SOX6: variants seen among roughly 807,000 people sequenced by gnomAD.
SOX6 encodes the protein transcription factor SOX-6.
SOX6 carries 11 observed loss-of-function variants against 97.8 expected under a neutral mutation model. That is an observed-to-expected ratio of 0.11 (90% CI 0.07 to 0.19). SOX6 has a LOEUF of 0.19. Among genes scored for constraint, SOX6 ranks in the 10% least tolerant of loss-of-function variants. SOX6 has a pLI of 1.00. For missense variants in SOX6, 810 were observed against 1,039.5 expected, an observed-to-expected ratio of 0.78 and a Z score of 3.04; for synonymous variants, 360 against 371.4, an observed-to-expected ratio of 0.97 and a Z score of 0.35.
intron 4 of SOX6, among the ~76,000 whole-genome samples, chr11:16,506,199 C>G (rs960201423): frequency 1.3e-5 from 2 of 152,200 alleles, no homozygotes; most frequent in Non-Finnish European, 2.9e-5. Flanking sequence ...GGGCTATATC[C>G]TGCACCACAG....
At chr11:16,290,209 A>G (rs1417952485) in intron 3 of SOX6, among the ~76,000 whole-genome samples, 32 of 151,970 alleles carry the variant, frequency 2.1e-4, no homozygotes, top group Admixed American at 2.1e-3. Context: ...GCACAATAAG[A>G]GCACTAAAAA....
At chr11:16,108,775 T>C (rs1245802223) in intron 7 of SOX6, among the ~76,000 whole-genome samples, 2 of 152,198 alleles carry the variant, frequency 1.3e-5, no homozygotes, top group African/African-American at 4.8e-5. Context: ...AGAGCTTGCC[T>C]AGTGTTTACT....
intron 2 of SOX6, among the ~76,000 whole-genome samples, chr11:16,719,639 C>T (rs1824073636): frequency 6.6e-6 from 1 of 152,154 alleles, no homozygotes; most frequent in South Asian, 2.1e-4. Context: ...AAACTTCACA[C>T]CAGGCCAGGT....
intron 3 of SOX6, among the ~76,000 whole-genome samples, chr11:16,707,967 T>C (rs1461732891): frequency 6.6e-6 from 1 of 152,128 alleles, no homozygotes; most frequent in Non-Finnish European, 1.5e-5. Context: ...TCTCTGTCTA[T>C]AATATTCAGA....
At chr11:16,696,452 T>C (rs1848054544) in intron 3 of SOX6, among the ~76,000 whole-genome samples, 1 of 152,182 alleles carries the variant, frequency 6.6e-6, no homozygotes, top group African/African-American at 2.4e-5. Flanking sequence ...GAACATCAAT[T>C]ATAGGCATAC....
chr11:16,562,743 A>G (rs1169142670), intron 4 of SOX6, among the ~76,000 whole-genome samples: 1 of 152,146 alleles, frequency 6.6e-6, no homozygotes, highest in Admixed American at 6.5e-5. Context: ...AATGGTATCA[A>G]GGAATGCCTA....
intron 4 of SOX6, among the ~76,000 whole-genome samples, chr11:16,493,592 T>A (rs1019422934): frequency 6.6e-6 from 1 of 152,242 alleles, no homozygotes; most frequent in African/African-American, 2.4e-5. Flanking sequence ...CATTTTATGA[T>A]ACAACTTCTT....
At chr11:16,327,992 C>T (rs747595665) in intron 2 of SOX6, among the ~76,000 whole-genome samples, 4 of 152,134 alleles carry the variant, frequency 2.6e-5, no homozygotes, top group Admixed American at 6.5e-5. Context: ...ATTCTTATAG[C>T]ACCATATGTT....
At chr11:16,719,741 T>C (rs1848245673) in intron 2 of SOX6, among the ~76,000 whole-genome samples, 2 of 152,060 alleles carry the variant, frequency 1.3e-5, no homozygotes, top group African/African-American at 4.8e-5. Context: ...CTGGGCAACA[T>C]AGTGAGACCT....
At chr11:16,556,292 T>G (rs1333090790) in intron 4 of SOX6, among the ~76,000 whole-genome samples, 5 of 151,658 alleles carry the variant, frequency 3.3e-5, no homozygotes. Flanking sequence ...CTCAGTAAAA[T>G]CTGAATAAAA....
intron 1 of SOX6, among the ~76,000 whole-genome samples, chr11:16,396,325 A>G (rs1858353359): frequency 6.6e-6 from 1 of 151,730 alleles, no homozygotes; most frequent in Non-Finnish European, 1.5e-5. Flanking sequence ...CATTAGAACT[A>G]ACAAAAGCTG....
At chr11:16,691,785 A>C (rs1337681162) in intron 3 of SOX6, among the ~76,000 whole-genome samples, 3 of 152,210 alleles carry the variant, frequency 2.0e-5, no homozygotes, top group Admixed American at 6.5e-5. Context: ...CAACAAGAAT[A>C]AAACCCTGAC....
chr11:16,034,218 G>A (rs1855458215), intron 12 of SOX6, among the ~76,000 whole-genome samples: 1 of 152,134 alleles, frequency 6.6e-6, no homozygotes, highest in African/African-American at 2.4e-5. Context: ...CTCCTTTGTT[G>A]AGAACTACAG....
intron 3 of SOX6, among the ~76,000 whole-genome samples, chr11:16,297,719 C>G (rs560543338): frequency 2.6e-5 from 4 of 152,266 alleles, no homozygotes; most frequent in African/African-American, 9.6e-5. Flanking sequence ...TTAAATATAT[C>G]ACTTTTTCAA....
intron 1 of SOX6, among the ~76,000 whole-genome samples, chr11:16,736,989 A>G (rs1461573703): frequency 2.0e-5 from 3 of 152,172 alleles, no homozygotes; most frequent in Non-Finnish European, 4.4e-5. Context: ...CTGCTTCCAA[A>G]ATAAGGGAGA....
At chr11:16,594,366 T>C (rs187795409) in intron 4 of SOX6, among the ~76,000 whole-genome samples, 12 of 152,328 alleles carry the variant, frequency 7.9e-5, no homozygotes, top group Admixed American at 7.8e-4. Flanking sequence ...CTGGATTTAC[T>C]GTTATCTGTA....
At chr11:16,151,300 G>A (rs976466655) in intron 6 of SOX6, among the ~76,000 whole-genome samples, 2 of 152,106 alleles carry the variant, frequency 1.3e-5, no homozygotes, top group African/African-American at 2.4e-5. Flanking sequence ...ACAATAGTGC[G>A]TAACGAAAGT....
chr11:16,475,436 T>C (rs1193058282), intron 1 of SOX6, among the ~76,000 whole-genome samples: 11 of 152,146 alleles, frequency 7.2e-5, no homozygotes, highest in African/African-American at 2.7e-4. Context: ...TTAGAAGTCA[T>C]TGTAGGGTTA....
In SOX6 at chr11:16,186,820, C is replaced by T. The variant is rs1851492060; in HGVS notation, c.671G>A (p.Arg224Gln). Residue 224 changes from arginine (R) to glutamine (Q), a missense_variant, in exon 5 of 16, where the codon CGG becomes CAG. By Grantham distance (43) the Arg-to-Gln change is conservative (BLOSUM62 1). Coordinates refer to ENST00000683767, the MANE Select transcript of SOX6 (RefSeq NM_001367873.1). ...TTGGCGAGCAAGGTCCATTTGCTGC[C>T]GTTGTTTCTCAATTTGTGACGCTGC... ...KLAASQIEKQ[R>Q]QQMDLARQQQ... 8 of 1,613,578 alleles carry T rather than the reference C, an allele frequency of 5.0e-6. No homozygotes were observed. The highest frequency in any genetic ancestry group is 6.8e-6 in the Non-Finnish European group (8 of 1,179,820).
Sources: gnomAD v4.1 joint callset for allele counts (sites outside exome capture counted in the v4.1 genomes callset) on GRCh38, gnomAD v4.1.1 for gene constraint, MANE v1.5 for transcripts, NCBI Gene and HGNC (gene_info 2026-07-23, HGNC 2026-07-21) for gene names.